MPHOSPH8: variants seen among roughly 807,000 people sequenced by gnomAD.
MPHOSPH8 encodes the protein M-phase phosphoprotein 8.
A neutral mutation model predicts 87.3 loss-of-function variants in MPHOSPH8; 45 were observed. The observed-to-expected ratio is 0.52, with a 90% CI of 0.41 to 0.66. The LOEUF (loss-of-function observed/expected upper bound fraction) is 0.66, where lower values mean the gene tolerates loss of function less well. MPHOSPH8 is among the 30% of genes least tolerant of loss of function. MPHOSPH8 has a pLI of 0.00. For missense variants in MPHOSPH8, 883 were observed against 1,020.2 expected (o/e 0.87, Z 1.83); for synonymous variants, 366 against 376.9 (o/e 0.97, Z 0.33).
intron 5 of MPHOSPH8, among the ~76,000 whole-genome samples, chr13:19,654,417 G>T (rs533762804): frequency 6.6e-6 from 1 of 152,134 alleles, no homozygotes; most frequent in East Asian, 1.9e-4. Flanking sequence ...CATGGCACGT[G>T]TATGCCTGTG....
chr13:19,644,674 A>G (rs1721620380), intron 2 of MPHOSPH8, among the ~76,000 whole-genome samples: 1 of 152,248 alleles, frequency 6.6e-6, no homozygotes, highest in African/African-American at 2.4e-5. Flanking sequence ...CTTGAGAACA[A>G]TATTCACTGA....
chr13:19,643,730 A>C (rs1874422242), intron 2 of MPHOSPH8, among the ~76,000 whole-genome samples: 1 of 152,122 alleles, frequency 6.6e-6, no homozygotes, highest in Non-Finnish European at 1.5e-5. Context: ...ACTGTTGTAC[A>C]TTTAGCTGGA....
In MPHOSPH8 at chr13:19,647,169, C is replaced by G; in HGVS notation, c.1096C>G (p.Gln366Glu). The change falls in exon 3 of 14, where the codon CAA (glutamine) becomes GAA (glutamate). Residue 366 changes from glutamine to glutamate, a missense_variant. Transcript: ENST00000361479. ...KKTVPKKQRN[Q>E]DRSKSAAELE... ...AACTGTGCCTAAAAAGCAGAGGAAT[C>G]AAGACAGAAGCAAAAGTGCTGCAGA... The G allele has an allele frequency of 6.2e-7, 1 of 1,614,074 alleles. No individual in the cohort carries two copies. The highest frequency in any genetic ancestry group is 1.3e-5 in the African/African-American group (1 of 75,006).
rs74038310 is a variant in MPHOSPH8, at chr13:19,644,746, C to T, written c.370-1697C>T. Reference sequence around the variant, plus strand: ...CTATCTGAATGCCAGTTGCAGATTCCTTAGTGCACATTTTCTTTTCTCAGG... The same window carrying T: ...CTATCTGAATGCCAGTTGCAGATTCTTTAGTGCACATTTTCTTTTCTCAGG... On this transcript the variant is annotated intron_variant, in intron 2 of 13. Transcript: ENST00000361479. Among the ~76,000 whole-genome samples, 935 of 152,262 alleles carry T rather than the reference C, an allele frequency of 6.1e-3. 12 individuals are homozygous for T. Among genetic ancestry groups the T allele is most frequent in the African/African-American group, 0.021 (856 of 41,546 alleles).
intron 3 of MPHOSPH8, 25 bp from the exon 4 acceptor site, chr13:19,648,397 G>GT: frequency 6.9e-7 from 1 of 1,448,432 alleles, no homozygotes; most frequent in Non-Finnish European, 9.5e-7. Context: ...ATCCATTCTT[G>GT]TTTTGGATAT....
intron 2 of MPHOSPH8, among the ~76,000 whole-genome samples, chr13:19,645,710 A>C (rs1268343882): frequency 3.4e-5 from 5 of 148,398 alleles, no homozygotes; most frequent in African/African-American, 1.3e-4. Context: ...GAGTCACTGC[A>C]CTCCAGCCTG....
intron 5 of MPHOSPH8, among the ~76,000 whole-genome samples, chr13:19,651,360 C>T (rs189800458): frequency 1.3e-5 from 2 of 152,032 alleles, no homozygotes; most frequent in Non-Finnish European, 2.9e-5. Context: ...AACCCCATCT[C>T]TACTAAAATA....
At position 19,671,956 on chromosome 13, in the gene MPHOSPH8, A is replaced by C; in HGVS notation, c.*81A>C. 7.0e-7 allele frequency: 1 copy of C among 1,427,228 alleles called. No homozygotes were observed. Among genetic ancestry groups the C allele is most frequent in the Middle Eastern group, 1.8e-4 (1 of 5,682 alleles). 88.4% of individuals were successfully genotyped at this position (1,427,228 alleles called of 1,614,324 possible). ...GACAGCAGTTTGGAATTCTTCTAGCACATCTATGTAAAGTTTTGTCTGTAA... is the reference window on the plus strand; with the variant it reads ...GACAGCAGTTTGGAATTCTTCTAGCCCATCTATGTAAAGTTTTGTCTGTAA... On this transcript the variant is annotated 3_prime_UTR_variant, in exon 14 of 14. Coordinates refer to ENST00000361479, the MANE Select transcript of MPHOSPH8 (RefSeq NM_017520.4).
chr13:19,666,282 T>C, intron 9 of MPHOSPH8, 143 bp from the exon 10 acceptor site: 1 of 750,784 alleles, frequency 1.3e-6, no homozygotes, highest in Non-Finnish European at 2.1e-6. Context: ...CGCTGTGGCC[T>C]GACGGGCCCC....
chr13:19,659,682 T>C (rs1471225255), intron 7 of MPHOSPH8: 3 of 425,120 alleles, frequency 7.1e-6, no homozygotes, highest in South Asian at 1.7e-5. Flanking sequence ...AAAAAAATAA[T>C]GCACGTTCAC....
intron 11 of MPHOSPH8, among the ~76,000 whole-genome samples, chr13:19,669,215 C>G (rs1372280345): frequency 6.6e-6 from 1 of 152,176 alleles, no homozygotes; most frequent in South Asian, 2.1e-4. Flanking sequence ...TGGAGTCTCC[C>G]TGTGTCACCC....
intron 1 of MPHOSPH8, among the ~76,000 whole-genome samples, chr13:19,637,038 T>C (rs986453965): frequency 6.6e-6 from 1 of 152,220 alleles, no homozygotes; most frequent in African/African-American, 2.4e-5. Flanking sequence ...ATTTCATCTG[T>C]ATTTGTATAC....
intron 2 of MPHOSPH8, among the ~76,000 whole-genome samples, chr13:19,645,780 T>C (rs1157418395): frequency 6.6e-6 from 1 of 151,896 alleles, no homozygotes; most frequent in Non-Finnish European, 1.5e-5. Flanking sequence ...TTCCATCCCT[T>C]CTCTCTACCC....
rs1280476509 is a variant in MPHOSPH8 at position 19,642,111 on chromosome 13, A to C, written c.214-4A>C. The C allele has an allele frequency of 6.7e-7, 1 of 1,499,330 alleles. No homozygotes were observed. Among genetic ancestry groups the C allele is most frequent in the African/African-American group, 1.5e-5 (1 of 68,916 alleles). The allele number at this position is 1,499,330 out of a possible 1,614,324, so 92.9% of individuals were successfully genotyped here. ...TATTTGCCTCCTTTTATTTTCTATA[A>C]CAGGGTAAAGTTCTTTACAAAGTTC... On this transcript the variant is annotated splice_region_variant and splice_polypyrimidine_tract_variant and intron_variant, in intron 1 of 13. Coordinates refer to ENST00000361479, the MANE Select transcript of MPHOSPH8 (RefSeq NM_017520.4).
chr13:19,667,362 A>G (rs1207743762), intron 10 of MPHOSPH8, among the ~76,000 whole-genome samples: 1 of 152,144 alleles, frequency 6.6e-6, no homozygotes, highest in Non-Finnish European at 1.5e-5. Flanking sequence ...CTACAGGGAC[A>G]TGGCATAATC....
intron 5 of MPHOSPH8, among the ~76,000 whole-genome samples, chr13:19,655,265 A>G (rs893542106): frequency 1.3e-5 from 2 of 152,194 alleles, no homozygotes; most frequent in African/African-American, 4.8e-5. Context: ...ACTTGAGCCC[A>G]GGAGTTCAAG....
At chr13:19,661,861 G>C (rs761827952) in intron 8 of MPHOSPH8, 23 bp downstream of exon 8, 2 of 1,579,912 alleles carry the variant, frequency 1.3e-6, no homozygotes, top group Non-Finnish European at 1.7e-6. Context: ...TTATGCATCA[G>C]TTTCAGAGCT....
At chr13:19,634,778 A>AG (rs1464910576) in intron 1 of MPHOSPH8, among the ~76,000 whole-genome samples, 1 of 152,206 alleles carries the variant, frequency 6.6e-6, no homozygotes, top group Non-Finnish European at 1.5e-5. Flanking sequence ...CTTTAATCCA[A>AG]GGGGAAGCAT....
In MPHOSPH8 at chr13:19,671,308, CATTT is replaced by C; in HGVS notation, c.2541+21_2541+24del. The stretch of plus-strand genomic sequence containing the variant: ...TGCCAAGGTGACAGTCCTTTCTTCA[CATTT>C]AGTGTCACTACTCAAGTTGTTGCTC... On this transcript the variant is annotated intron_variant, in intron 13 of 13. Transcript: ENST00000361479. The C allele has an allele frequency of 6.3e-7, 1 of 1,584,338 alleles. No individual in the cohort carries two copies. Among genetic ancestry groups the C allele is most frequent in the Non-Finnish European group, 8.7e-7 (1 of 1,154,840 alleles).
Sources: gnomAD v4.1 joint callset for allele counts (sites outside exome capture counted in the v4.1 genomes callset) on GRCh38, gnomAD v4.1.1 for gene constraint, MANE v1.5 for transcripts, NCBI Gene and HGNC (gene_info 2026-07-23, HGNC 2026-07-21) for gene names.